The following MACROD2 variants were observed in gnomAD, a reference collection of about 807,000 sequenced individuals.
MACROD2 encodes mono-ADP ribosylhydrolase 2, also known as ADP-ribose glycohydrolase MACROD2.
MACROD2 carries 36 observed loss-of-function variants against 70.4 expected under a neutral mutation model. That is an observed-to-expected ratio of 0.51 (90% CI 0.39 to 0.68). The LOEUF is 0.68. MACROD2 is among the 30% of genes least tolerant of loss of function. MACROD2 has a pLI of 0.00. For missense variants in MACROD2, 496 were observed against 538.4 expected (o/e 0.92, Z 0.78); for synonymous variants, 172 against 178.8 (o/e 0.96, Z 0.30).
At chr20:15,041,210 T>C (rs2075353635) in intron 5 of MACROD2, among the ~76,000 whole-genome samples, 1 of 152,176 alleles carries the variant, frequency 6.6e-6, no homozygotes, top group African/African-American at 2.4e-5. Flanking sequence ...TCTATAATGC[T>C]ACATCTAGAA....
rs1013267032 is a variant in MACROD2, at chr20:14,756,132, T to C, written c.418+71173T>C. On this transcript the variant is annotated intron_variant, in intron 5 of 17. Transcript: ENST00000684519. Reference sequence around the variant, plus strand: ...GCCTTACATGATTTGGCATCTCCAGTGACCAGAAACATCTCCTGTCTCACC... The same window carrying C: ...GCCTTACATGATTTGGCATCTCCAGCGACCAGAAACATCTCCTGTCTCACC... Among the ~76,000 whole-genome samples the C allele has an allele frequency of 3.3e-5, 5 of 152,290 alleles. 1 individual carries two copies. The highest frequency in any genetic ancestry group is 3.4e-3 in the Middle Eastern group (1 of 294).
At chr20:14,613,902 T>C (rs1412790973) in intron 4 of MACROD2, among the ~76,000 whole-genome samples, 2 of 152,174 alleles carry the variant, frequency 1.3e-5, no homozygotes, top group East Asian at 3.9e-4. Flanking sequence ...ATCGTTATTC[T>C]AAGTCTCCCT....
At chr20:14,126,930 T>C (rs1483080572) in intron 3 of MACROD2, among the ~76,000 whole-genome samples, 3 of 152,190 alleles carry the variant, frequency 2.0e-5, no homozygotes, top group African/African-American at 4.8e-5. Context: ...GTATTGAAAT[T>C]AGGCCAATTA....
At chr20:15,212,715 T>C (rs2076775022) in intron 5 of MACROD2, among the ~76,000 whole-genome samples, 2 of 152,158 alleles carry the variant, frequency 1.3e-5, no homozygotes, top group African/African-American at 4.8e-5. Flanking sequence ...ATATCAGTGA[T>C]GGGTAAAATT....
intron 8 of MACROD2, among the ~76,000 whole-genome samples, chr20:15,665,738 C>T (rs917197662): frequency 2.0e-5 from 3 of 152,146 alleles, no homozygotes; most frequent in Admixed American, 2.0e-4. Context: ...GTCCCATTCC[C>T]TTATCCTGCT....
chr20:14,468,711 C>T (rs901239462), intron 3 of MACROD2, among the ~76,000 whole-genome samples: 1 of 152,040 alleles, frequency 6.6e-6, no homozygotes, highest in African/African-American at 2.4e-5. Context: ...GGGGTTTTAT[C>T]ATGTTGACCA....
At chr20:15,994,018 A>G (rs2066594829) in intron 15 of MACROD2, among the ~76,000 whole-genome samples, 1 of 152,170 alleles carries the variant, frequency 6.6e-6, no homozygotes, top group Non-Finnish European at 1.5e-5. Flanking sequence ...ATCCATTGTC[A>G]AGTCTTAGAC....
At chr20:15,107,418 G>T (rs1401576229) in intron 5 of MACROD2, among the ~76,000 whole-genome samples, 1 of 151,698 alleles carries the variant, frequency 6.6e-6, no homozygotes, top group East Asian at 1.9e-4. Flanking sequence ...CTAAAACTGG[G>T]TTTGCAAAAG....
At chr20:14,555,941 A>C (rs111584873) in intron 4 of MACROD2, among the ~76,000 whole-genome samples, 55 of 152,174 alleles carry the variant, frequency 3.6e-4, no homozygotes, top group African/African-American at 1.2e-3. Context: ...TCTTCTACTC[A>C]GCTGTTGCTT....
At chr20:15,776,355 A>G (rs73244078) in intron 8 of MACROD2, among the ~76,000 whole-genome samples, 2,861 of 152,102 alleles carry the variant, frequency 0.019, 55 homozygotes, top group East Asian at 0.083. Flanking sequence ...TCCTCTCCCA[A>G]AATATTCTCC....
intron 8 of MACROD2, among the ~76,000 whole-genome samples, chr20:15,630,481 C>T (rs1207390769): frequency 6.6e-6 from 1 of 152,228 alleles, no homozygotes; most frequent in Non-Finnish European, 1.5e-5. Flanking sequence ...CCTCTCATCT[C>T]TCCAACTGGA....
chr20:15,971,194 A>G (rs775440955), intron 13 of MACROD2, among the ~76,000 whole-genome samples: 2 of 152,164 alleles, frequency 1.3e-5, no homozygotes, highest in Non-Finnish European at 2.9e-5. Context: ...AAGAGCATAC[A>G]TACTTATTGT....
chr20:14,971,296 G>A (rs1203208521), intron 5 of MACROD2, among the ~76,000 whole-genome samples: 2 of 152,028 alleles, frequency 1.3e-5, no homozygotes, highest in African/African-American at 2.4e-5. Flanking sequence ...GTGAGTAGTT[G>A]CATGGGTAAC....
chr20:14,590,355 A>G (rs559735818), intron 4 of MACROD2, among the ~76,000 whole-genome samples: 1 of 152,276 alleles, frequency 6.6e-6, no homozygotes, highest in East Asian at 1.9e-4. Flanking sequence ...AATACTTACT[A>G]GGTAAGGTGG....
chr20:14,325,558 C>A, intron 3 of MACROD2: 1 of 1,606,646 alleles, frequency 6.2e-7, no homozygotes. Flanking sequence ...CCTTCAGCAT[C>A]ATGAGTGTGA....
intron 7 of MACROD2, among the ~76,000 whole-genome samples, chr20:15,469,675 A>T (rs2146431733): frequency 6.6e-6 from 1 of 152,294 alleles, no homozygotes; most frequent in Middle Eastern, 3.4e-3. Context: ...GAATGTAAGG[A>T]GCCATCCAAA....
intron 4 of MACROD2, among the ~76,000 whole-genome samples, chr20:14,544,042 A>G (rs1309813752): frequency 6.6e-6 from 1 of 152,160 alleles, no homozygotes; most frequent in African/African-American, 2.4e-5. Flanking sequence ...TCCCTGCTCT[A>G]AAGGAAGTCT....
At chr20:14,620,517 A>G (rs1270964304) in intron 4 of MACROD2, among the ~76,000 whole-genome samples, 4 of 152,136 alleles carry the variant, frequency 2.6e-5, no homozygotes, top group African/African-American at 9.7e-5. Context: ...ATCTAGATAT[A>G]TATCTCCTCA....
At chr20:14,487,006 A>C (rs1888388512) in intron 3 of MACROD2, among the ~76,000 whole-genome samples, 1 of 152,194 alleles carries the variant, frequency 6.6e-6, no homozygotes, top group South Asian at 2.1e-4. Flanking sequence ...TCTGTACATA[A>C]GTCCTAAGTT....
Sources: gnomAD v4.1 joint callset for allele counts (sites outside exome capture counted in the v4.1 genomes callset) on GRCh38, gnomAD v4.1.1 for gene constraint, MANE v1.5 for transcripts, NCBI Gene and HGNC (gene_info 2026-07-23, HGNC 2026-07-21) for gene names.